Variants in BNC2 observed in about 807,000 individuals in gnomAD.
The protein encoded by BNC2 is zinc finger protein basonuclin-2.
A neutral mutation model predicts 76.3 loss-of-function variants in BNC2; 20 were observed. That is an observed-to-expected ratio of 0.26 (90% confidence interval 0.18 to 0.38). The LOEUF is 0.38. Among genes scored for constraint, BNC2 ranks in the 10% least tolerant of loss-of-function variants. The pLI is 1.00. For synonymous variants in BNC2, 582 were observed against 514.8 expected (o/e 1.13, Z -1.77); for missense variants, 1,382 against 1,399.8 (o/e 0.99, Z 0.20).
chr9:16,502,813 T>C (rs547630268), intron 5 of BNC2, among the ~76,000 whole-genome samples: 1 of 152,342 alleles, frequency 6.6e-6, no homozygotes, highest in African/African-American at 2.4e-5. Context: ...TGTGAATTGG[T>C]ATACAGGCTT....
intron 5 of BNC2, among the ~76,000 whole-genome samples, chr9:16,512,579 A>T (rs111306924): frequency 2.0e-5 from 3 of 152,348 alleles, no homozygotes; most frequent in Admixed American, 6.5e-5. Flanking sequence ...ACAAAGGCAC[A>T]TCTAATAAAA....
intron 3 of BNC2, among the ~76,000 whole-genome samples, chr9:16,634,859 G>A (rs1407922047): frequency 6.6e-6 from 1 of 150,676 alleles, no homozygotes; most frequent in African/African-American, 2.5e-5. Flanking sequence ...ACACTGAGGG[G>A]AGGGGGAACA....
intron 5 of BNC2, among the ~76,000 whole-genome samples, chr9:16,515,633 C>T (rs916285887): frequency 1.3e-5 from 2 of 149,458 alleles, no homozygotes; most frequent in South Asian, 2.1e-4. Context: ...ATGATGTGGT[C>T]GAAAAAAAAT....
chr9:16,856,214 A>C (rs1386080241), intron 1 of BNC2, among the ~76,000 whole-genome samples: 2 of 151,956 alleles, frequency 1.3e-5, no homozygotes, highest in African/African-American at 4.8e-5. Flanking sequence ...ACCCTCCCCC[A>C]TAAGGAAGCA....
intron 4 of BNC2, among the ~76,000 whole-genome samples, chr9:16,567,013 TG>T: frequency 6.6e-6 from 1 of 152,232 alleles, no homozygotes; most frequent in Non-Finnish European, 1.5e-5. Flanking sequence ...ATAATTTACT[TG>T]GATTTCCTAA....
In BNC2 at chr9:16,412,434, TCTTA is replaced by T. The variant is rs1431765657; in HGVS notation, c.*6551_*6554del. ...CCCTACAGATTAGGGGGCAATATAA[TCTTA>T]CTTATGCCACTGACTTGCAGGAAAA... is the stretch of plus-strand genomic sequence containing the variant. On this transcript the variant is annotated 3_prime_UTR_variant, in exon 7 of 7. Transcript: ENST00000380672. 6.6e-6 allele frequency: 1 copy of T among 152,412 alleles called. No individual in the cohort carries two copies. The highest frequency in any genetic ancestry group is 6.5e-5 in the Admixed American group (1 of 15,274). The allele number at this position is 152,412 out of a possible 1,614,324, so 9.4% of individuals were successfully genotyped here.
chr9:16,721,367 G>T (rs760245195), intron 3 of BNC2, among the ~76,000 whole-genome samples: 3 of 152,088 alleles, frequency 2.0e-5, no homozygotes, highest in Non-Finnish European at 4.4e-5. Context: ...TCTTGAAAGG[G>T]TCTTTGACTC....
At chr9:16,706,567 T>A (rs1293177678) in intron 3 of BNC2, among the ~76,000 whole-genome samples, 1 of 152,222 alleles carries the variant, frequency 6.6e-6, no homozygotes, top group Non-Finnish European at 1.5e-5. Context: ...CAGGTTAACA[T>A]GCACATATAA....
At chr9:16,747,696 G>T (rs1337784089) in intron 1 of BNC2, among the ~76,000 whole-genome samples, 2 of 152,140 alleles carry the variant, frequency 1.3e-5, no homozygotes, top group Non-Finnish European at 2.9e-5. Flanking sequence ...TTTTAGACAA[G>T]AATTTTCTGA....
intron 4 of BNC2, among the ~76,000 whole-genome samples, chr9:16,573,151 C>A (rs538990474): frequency 4.7e-5 from 7 of 150,414 alleles, no homozygotes; most frequent in African/African-American, 1.7e-4. Context: ...TTGCTTGAAC[C>A]CAGGAAGGGG....
intron 3 of BNC2, among the ~76,000 whole-genome samples, chr9:16,607,178 C>G (rs1489025441): frequency 6.6e-6 from 1 of 152,148 alleles, no homozygotes; most frequent in African/African-American, 2.4e-5. Flanking sequence ...TGATCTCAAA[C>G]TCCTGTGCTC....
intron 3 of BNC2, among the ~76,000 whole-genome samples, chr9:16,663,775 T>A (rs1427588526): frequency 6.6e-6 from 1 of 152,192 alleles, no homozygotes; most frequent in Non-Finnish European, 1.5e-5. Flanking sequence ...GTGAATATTA[T>A]TTCCTTACTT....
At chr9:16,788,501 C>A (rs898869375) in intron 1 of BNC2, among the ~76,000 whole-genome samples, 1 of 146,846 alleles carries the variant, frequency 6.8e-6, no homozygotes, top group Non-Finnish European at 1.5e-5. Flanking sequence ...TGCAGTGAGC[C>A]GAGATGACGC....
At chr9:16,769,382 G>A (rs1471685390) in intron 1 of BNC2, among the ~76,000 whole-genome samples, 2 of 152,164 alleles carry the variant, frequency 1.3e-5, no homozygotes, top group Non-Finnish European at 2.9e-5. Flanking sequence ...ACAGGTTAAA[G>A]AAGAAGGATC....
At chr9:16,710,694 C>A (rs1823811524) in intron 3 of BNC2, among the ~76,000 whole-genome samples, 1 of 152,146 alleles carries the variant, frequency 6.6e-6, no homozygotes, top group Non-Finnish European at 1.5e-5. Context: ...GCCACCCCCA[C>A]ATAAACTATC....
intron 1 of BNC2, among the ~76,000 whole-genome samples, chr9:16,764,235 T>C (rs1482181719): frequency 6.6e-6 from 1 of 152,208 alleles, no homozygotes; most frequent in African/African-American, 2.4e-5. Flanking sequence ...CTTATGATGA[T>C]ACATGACATT....
chr9:16,779,593 G>C (rs1302813596), intron 1 of BNC2, among the ~76,000 whole-genome samples: 1 of 152,102 alleles, frequency 6.6e-6, no homozygotes, highest in Non-Finnish European at 1.5e-5. Flanking sequence ...AAAAGTATTT[G>C]ATTGACCAAC....
intron 5 of BNC2, among the ~76,000 whole-genome samples, chr9:16,529,100 T>A (rs1817899863): frequency 6.6e-6 from 1 of 152,190 alleles, no homozygotes; most frequent in African/African-American, 2.4e-5. Flanking sequence ...AATCTCCTAA[T>A]ATCTTACACG....
chr9:16,528,110 A>G (rs2132178536), intron 5 of BNC2, among the ~76,000 whole-genome samples: 1 of 152,328 alleles, frequency 6.6e-6, no homozygotes, highest in Admixed American at 6.5e-5. Context: ...GAATGACAAA[A>G]TGAGAAGAAA....
Sources: allele counts gnomAD v4.1 joint callset (sites outside exome capture counted in the v4.1 genomes callset), GRCh38; gene constraint gnomAD v4.1.1; transcripts MANE v1.5; gene names NCBI Gene and HGNC (gene_info 2026-07-23, HGNC 2026-07-21).